The following CSMD1 variants were observed in gnomAD, a reference collection of about 807,000 sequenced individuals.
The protein encoded by CSMD1 is CUB and sushi domain-containing protein 1.
CSMD1 carries 213 observed loss-of-function variants against 417.5 expected under a neutral mutation model. That is an observed-to-expected ratio of 0.51 (90% CI 0.46 to 0.57). The LOEUF (loss-of-function observed/expected upper bound fraction) is 0.57. Among genes scored for constraint, CSMD1 ranks in the 20% least tolerant of loss-of-function variants. CSMD1 has a pLI of 0.00. For missense variants in CSMD1, 6,923 were observed against 4,529.7 expected (o/e 1.53, Z -15.17); for synonymous variants, 2,862 against 1,736.8 (o/e 1.65, Z -16.11).
chr8:3,383,112 A>G lies in CSMD1; in HGVS notation c.2782+4382T>C, dbSNP rs568688245. Among the ~76,000 whole-genome samples, 115 of 138,336 alleles carry G rather than the reference A, an allele frequency of 8.3e-4. 1 individual carries two copies. The highest frequency in any genetic ancestry group is 4.3e-3 in the Admixed American group (58 of 13,472). 90.8% of individuals were successfully genotyped at this position (138,336 alleles called of 152,430 possible). A position where few individuals can be genotyped will look rare whatever the true frequency, so the allele number is the denominator to read the frequency against. ...CATCGTTCCTTACCACAAATCCACA[A>G]ATTTTTAGATGGATTGAAGTTATAA... On this transcript the variant is annotated intron_variant, in intron 18 of 69. Transcript: ENST00000635120.
chr8:4,160,949 T>G (rs1584933874), intron 3 of CSMD1, among the ~76,000 whole-genome samples: 1 of 152,320 alleles, frequency 6.6e-6, no homozygotes, highest in East Asian at 1.9e-4. Context: ...CCTCATCAGA[T>G]GTATTTATCA....
intron 1 of CSMD1, among the ~76,000 whole-genome samples, chr8:4,802,314 T>G (rs575053602): frequency 6.6e-6 from 1 of 151,912 alleles, no homozygotes; most frequent in Non-Finnish European, 1.5e-5. Flanking sequence ...CTATGACTGG[T>G]CCTCCAACTA....
intron 18 of CSMD1, among the ~76,000 whole-genome samples, chr8:3,378,903 C>T (rs1360906287): frequency 2.0e-5 from 3 of 152,120 alleles, no homozygotes; most frequent in Non-Finnish European, 2.9e-5. Flanking sequence ...CCAGGGTACT[C>T]AGGCAAGAGA....
intron 3 of CSMD1, among the ~76,000 whole-genome samples, chr8:4,135,365 AAGGGGAAAGTGGGAAAGAGG>A (rs1563169108): frequency 3.4e-4 from 15 of 44,130 alleles, no homozygotes; most frequent in South Asian, 2.1e-3. Flanking sequence ...GGAGGGAAGG[AAGGGGAAAGTGGGAAAGAGG>A]GGGAAGGAAG....
intron 10 of CSMD1, among the ~76,000 whole-genome samples, chr8:3,552,579 T>C (rs1211852615): frequency 6.6e-6 from 1 of 152,194 alleles, no homozygotes; most frequent in Non-Finnish European, 1.5e-5. Context: ...ATTGTGGTTA[T>C]GCAAATATAA....
chr8:2,996,071 CT>C (rs1554483215), intron 54 of CSMD1, among the ~76,000 whole-genome samples: 1 of 152,110 alleles, frequency 6.6e-6, no homozygotes, highest in Non-Finnish European at 1.5e-5. Flanking sequence ...AAGGACCTCT[CT>C]GTATTATACC....
At chr8:4,215,008 G>C (rs750749005) in intron 3 of CSMD1, among the ~76,000 whole-genome samples, 2 of 152,154 alleles carry the variant, frequency 1.3e-5, no homozygotes, top group South Asian at 2.1e-4. Context: ...AGAAAGTCAA[G>C]TTCAATTCTG....
chr8:3,604,290 G>A (rs913322106), intron 8 of CSMD1, among the ~76,000 whole-genome samples: 8 of 152,122 alleles, frequency 5.3e-5, no homozygotes, highest in African/African-American at 1.9e-4. Context: ...GCCAGAGGGA[G>A]GGAGGCTGCG....
At chr8:4,150,071 G>A (rs149690363) in intron 3 of CSMD1, among the ~76,000 whole-genome samples, 20 of 152,306 alleles carry the variant, frequency 1.3e-4, no homozygotes, top group Admixed American at 6.5e-4. Flanking sequence ...AGAAGTTAAT[G>A]TAAGTAAAAT....
intron 49 of CSMD1, among the ~76,000 whole-genome samples, chr8:3,083,716 C>T (rs1466505020): frequency 2.4e-5 from 3 of 124,638 alleles, no homozygotes; most frequent in East Asian, 5.3e-4. Flanking sequence ...AGTGCAGTGC[C>T]GTGATCTCGG....
At chr8:3,864,132 AT>A (rs1369956815) in intron 5 of CSMD1, among the ~76,000 whole-genome samples, 14 of 152,226 alleles carry the variant, frequency 9.2e-5, no homozygotes, top group African/African-American at 3.4e-4. Flanking sequence ...TTAAAAAAAA[AT>A]GTGACCAGCA....
Position 3,308,027 on chromosome 8 carries a change from G to C in CSMD1, c.3824-206C>G, listed in dbSNP as rs181483277. Among the ~76,000 whole-genome samples, 7 of 152,084 alleles carry C rather than the reference G, an allele frequency of 4.6e-5. No individual in the cohort carries two copies. In the East Asian group the frequency reaches 1.2e-3, roughly 25 times the overall value. On this transcript the variant is annotated intron_variant, in intron 24 of 69. Coordinates refer to ENST00000635120, the MANE Select transcript of CSMD1 (RefSeq NM_033225.6). ...CTTTATCCTCCATGCAATTAAAGTT[G>C]AGAGCATAAAGCAATAAGACACTCA... is the stretch of plus-strand genomic sequence containing the variant.
intron 4 of CSMD1, among the ~76,000 whole-genome samples, chr8:4,023,800 G>C (rs1437690148): frequency 4.1e-5 from 4 of 96,508 alleles, no homozygotes; most frequent in Non-Finnish European, 6.0e-5. Flanking sequence ...TGTATTTTTA[G>C]TAGAGACGGG....
At chr8:3,153,295 T>C (rs569786314) in intron 39 of CSMD1, among the ~76,000 whole-genome samples, 4 of 152,204 alleles carry the variant, frequency 2.6e-5, no homozygotes, top group Non-Finnish European at 5.9e-5. Flanking sequence ...ACCGCTTGTT[T>C]AGCATATCAT....
intron 2 of CSMD1, among the ~76,000 whole-genome samples, chr8:4,612,269 G>A (rs930580475): frequency 6.6e-6 from 1 of 152,034 alleles, no homozygotes; most frequent in East Asian, 1.9e-4. Flanking sequence ...AATAAATGAA[G>A]AGATCCCAAA....
intron 1 of CSMD1, among the ~76,000 whole-genome samples, chr8:4,820,818 G>A (rs1368852089): frequency 6.6e-6 from 1 of 152,140 alleles, no homozygotes; most frequent in African/African-American, 2.4e-5. Context: ...GACAGTAACT[G>A]TAATACTTGT....
At chr8:4,176,036 C>T (rs915317816) in intron 3 of CSMD1, among the ~76,000 whole-genome samples, 1 of 152,056 alleles carries the variant, frequency 6.6e-6, no homozygotes, top group Admixed American at 6.6e-5. Flanking sequence ...TTCAGGGTTC[C>T]CAAGAAGCAG....
chr8:4,878,185 G>A (rs991858087), intron 1 of CSMD1, among the ~76,000 whole-genome samples: 1 of 152,012 alleles, frequency 6.6e-6, no homozygotes, highest in Non-Finnish European at 1.5e-5. Context: ...TTTGGAGGTG[G>A]TTCTTAAAAT....
chr8:4,067,576 C>A (rs2552108), intron 3 of CSMD1, among the ~76,000 whole-genome samples: 1 of 152,008 alleles, frequency 6.6e-6, no homozygotes, highest in African/African-American at 2.4e-5. Context: ...GTTTCAACAA[C>A]AGCATTTTTG....
Sources: allele counts gnomAD v4.1 joint callset (sites outside exome capture counted in the v4.1 genomes callset), GRCh38; gene constraint gnomAD v4.1.1; transcripts MANE v1.5; gene names NCBI Gene and HGNC (gene_info 2026-07-23, HGNC 2026-07-21).